XRN1: variants seen among roughly 807,000 people sequenced by gnomAD.
The protein encoded by XRN1 is strand-exchange protein 1 homolog.
A neutral mutation model predicts 222.3 loss-of-function variants in XRN1; 67 were observed. The observed-to-expected ratio is 0.30, with a 90% CI of 0.25 to 0.37. The LOEUF (loss-of-function observed/expected upper bound fraction) is 0.37. Among genes scored for constraint, XRN1 ranks in the 10% least tolerant of loss-of-function variants. The pLI, the probability that XRN1 is intolerant of heterozygous loss-of-function variation, is 1.00. For synonymous variants in XRN1, 643 were observed against 652.4 expected (o/e 0.99, Z 0.22); for missense variants, 1,707 against 2,000.2 (o/e 0.85, Z 2.80).
At position 142,417,018 on chromosome 3, in the gene XRN1, A is replaced by G. The variant is rs1160311955; in HGVS notation, c.1436+122T>C. On this transcript the variant is annotated intron_variant, in intron 13 of 40. Coordinates refer to ENST00000392981, the MANE Select transcript of XRN1 (RefSeq NM_001282857.2). ...CACTCCAGCCTGGGCAACAGAGTGA[A>G]AAAAAAAAAAAAAAAAAAATTACCA... 5.6e-4 allele frequency: 14 copies of G among 24,864 alleles called. No individual in the cohort carries two copies. The Admixed American group carries it at 0.01, about 18-fold the overall frequency. The allele number at this position is 24,864 out of a possible 1,614,324, so 1.5% of individuals were successfully genotyped here.
chr3:142,414,308 A>G lies in XRN1; in HGVS notation c.1437-17T>C, dbSNP rs770065409. 5.2e-5 allele frequency: 79 copies of G among 1,525,284 alleles called. No homozygotes were observed. Among genetic ancestry groups the G allele is most frequent in the Non-Finnish European group, 6.6e-5 (75 of 1,132,458 alleles). 94.5% of individuals were successfully genotyped at this position (1,525,284 alleles called of 1,614,324 possible). A position where few individuals can be genotyped will look rare whatever the true frequency, so the allele number is the denominator to read the frequency against. ...GGATAATACCTATAAAACAAAACTGAGTTTTAAACAAGTGGCATCTTTATG... is the reference window on the plus strand; with the variant it reads ...GGATAATACCTATAAAACAAAACTGGGTTTTAAACAAGTGGCATCTTTATG... On this transcript the variant is annotated splice_polypyrimidine_tract_variant and intron_variant, in intron 13 of 40. Coordinates refer to ENST00000392981, the MANE Select transcript of XRN1 (RefSeq NM_001282857.2).
chr3:142,407,328 A>G (rs1441580901), intron 15 of XRN1, among the ~76,000 whole-genome samples: 2 of 152,108 alleles, frequency 1.3e-5, no homozygotes, highest in African/African-American at 2.4e-5. Flanking sequence ...TGTGACTTTT[A>G]AAATTTATTT....
chr3:142,313,230 G>C (rs1173006902), intron 39 of XRN1: 2 of 1,541,716 alleles, frequency 1.3e-6, no homozygotes, highest in African/African-American at 2.8e-5. Flanking sequence ...TCATATGACA[G>C]GTAGAATCTT....
At chr3:142,426,467 A>T (rs1183705522) in intron 3 of XRN1, 1 of 328,686 alleles carries the variant, frequency 3.0e-6, no homozygotes, top group Admixed American at 4.5e-5. Context: ...AAGATATATA[A>T]ACATAAGTTT....
chr3:142,379,784 A>C (rs2107925093), intron 23 of XRN1, among the ~76,000 whole-genome samples: 1 of 152,332 alleles, frequency 6.6e-6, no homozygotes, highest in East Asian at 1.9e-4. Flanking sequence ...AAAACACCTA[A>C]ATCTGTTCCC....
At chr3:142,410,482 C>T (rs2068522184) in intron 15 of XRN1, among the ~76,000 whole-genome samples, 2 of 136,222 alleles carry the variant, frequency 1.5e-5, no homozygotes, top group Non-Finnish European at 3.1e-5. Flanking sequence ...CAGATTCTAT[C>T]TCATGTTTTT....
intron 20 of XRN1, among the ~76,000 whole-genome samples, 161 bp from the exon 21 acceptor site, chr3:142,384,846 T>A (rs2067435224): frequency 6.6e-6 from 1 of 152,228 alleles, no homozygotes; most frequent in African/African-American, 2.4e-5. Flanking sequence ...TGAGACTTTT[T>A]GCATTATTTA....
intron 15 of XRN1, among the ~76,000 whole-genome samples, chr3:142,409,073 T>G (rs1482573386): frequency 1.3e-5 from 2 of 152,244 alleles, no homozygotes; most frequent in Non-Finnish European, 2.9e-5. Flanking sequence ...GAGGAGCTGG[T>G]TATATACTCT....
chr3:142,414,149 G>C lies in XRN1; in HGVS notation c.1579C>G (p.Pro527Ala). ...CTAAGACCCACCTGGTAGCATGCAG[G>C]AAGTAAATTTTTGCTGGCTGCTGGA... ...VLPAASKNLL[P>A]ACYQHLMTNE... is the part of the protein sequence containing the mutation. The change falls in exon 14 of 41, where the codon CCT (proline) becomes GCT (alanine). Residue 527 changes from proline to alanine, a missense_variant. Transcript: ENST00000392981. 1 of 1,612,580 alleles carries C rather than the reference G, an allele frequency of 6.2e-7. No homozygotes were observed. The highest frequency in any genetic ancestry group is 8.5e-7 in the Non-Finnish European group (1 of 1,179,342).
At chr3:142,425,751 C>T (rs1265271282) in intron 3 of XRN1, among the ~76,000 whole-genome samples, 1 of 152,020 alleles carries the variant, frequency 6.6e-6, no homozygotes, top group African/African-American at 2.4e-5. Flanking sequence ...TCACTAGTCC[C>T]CCTAAATAGA....
intron 1 of XRN1, among the ~76,000 whole-genome samples, chr3:142,434,071 T>C (rs1407925747): frequency 7.2e-5 from 11 of 152,200 alleles, no homozygotes. Flanking sequence ...CACTCAAGAT[T>C]TACTGTTTAT....
chr3:142,320,800 T>C (rs935498344), intron 37 of XRN1, among the ~76,000 whole-genome samples: 1 of 152,174 alleles, frequency 6.6e-6, no homozygotes, highest in Non-Finnish European at 1.5e-5. Context: ...TTCACTCTTG[T>C]TATTGTCTTT....
rs1323209840 is a variant in XRN1, at chr3:142,422,821, T to C, written c.798+14A>G. On this transcript the variant is annotated intron_variant, in intron 7 of 40. Transcript: ENST00000392981. ...CAATGGAAATCCTTGGTCCATGGCT[T>C]TATTAATACTTACTTTTAATACTGA... 6.2e-7 allele frequency: 1 copy of C among 1,602,998 alleles called. No homozygotes were observed. The highest frequency in any genetic ancestry group is 1.7e-5 in the Admixed American group (1 of 58,978).
chr3:142,430,010 T>C (rs969795854), intron 2 of XRN1, among the ~76,000 whole-genome samples: 1 of 152,206 alleles, frequency 6.6e-6, no homozygotes, highest in East Asian at 1.9e-4. Flanking sequence ...AATTGCTGAA[T>C]TGTAACTATA....
At chr3:142,357,465 C>T (rs1234577722) in intron 30 of XRN1, among the ~76,000 whole-genome samples, 1 of 151,728 alleles carries the variant, frequency 6.6e-6, no homozygotes, top group East Asian at 1.9e-4. Flanking sequence ...CTCACTGTTA[C>T]TCAGGATGGA....
Position 142,313,463 on chromosome 3 carries a change from A to T in XRN1, c.4622-705T>A, listed in dbSNP as rs536302263. On this transcript the variant is annotated intron_variant, in intron 39 of 40. Coordinates refer to ENST00000392981, the MANE Select transcript of XRN1 (RefSeq NM_001282857.2). ...CTCCATAGGCGATTCTTATGGAGAC[A>T]GCCTGTACCAGTAGAGCATTTGAAA... Among the ~76,000 whole-genome samples the T allele has an allele frequency of 2.6e-5, 4 of 152,334 alleles. No homozygotes were observed. In the South Asian group the frequency reaches 8.3e-4, roughly 32 times the overall value.
intron 39 of XRN1, among the ~76,000 whole-genome samples, chr3:142,314,740 T>C (rs1214911810): frequency 1.3e-5 from 2 of 151,168 alleles, no homozygotes; most frequent in Non-Finnish European, 3.0e-5. Context: ...CCTGTCTCTA[T>C]AAAAAGATAC....
chr3:142,445,382 A>C (rs1159062226), intron 1 of XRN1, among the ~76,000 whole-genome samples: 1 of 151,912 alleles, frequency 6.6e-6, no homozygotes, highest in Non-Finnish European at 1.5e-5. Flanking sequence ...GCAAGTTTTT[A>C]TGTCTGGAGA....
chr3:142,392,835 T>C (rs1019417988), intron 20 of XRN1, among the ~76,000 whole-genome samples: 1 of 151,872 alleles, frequency 6.6e-6, no homozygotes, highest in Non-Finnish European at 1.5e-5. Context: ...TTTGGGTATA[T>C]ACCCCGTAAT....
Sources: gnomAD v4.1 joint callset for allele counts (sites outside exome capture counted in the v4.1 genomes callset) on GRCh38, gnomAD v4.1.1 for gene constraint, MANE v1.5 for transcripts, NCBI Gene and HGNC (gene_info 2026-07-23, HGNC 2026-07-21) for gene names.